CLSTN2: variants seen among roughly 807,000 people sequenced by gnomAD.
CLSTN2 encodes the protein calsyntenin 2, also known as calsyntenin-2.
A neutral mutation model predicts 101.2 loss-of-function variants in CLSTN2; 48 were observed. The ratio of observed to expected loss-of-function variants is 0.47; its 90% CI spans 0.38 to 0.60. CLSTN2 has a LOEUF of 0.60. Ranked by LOEUF, CLSTN2 falls within the 20% of genes least tolerant of loss-of-function variation. The pLI is 0.00. For missense variants in CLSTN2, 1,160 were observed against 1,238.2 expected, an observed-to-expected ratio of 0.94 and a Z score of 0.95; for synonymous variants, 481 against 463.6, an observed-to-expected ratio of 1.04 and a Z score of -0.48.
intron 8 of CLSTN2, among the ~76,000 whole-genome samples, chr3:140,490,151 CACACACACACAT>C (rs1934325876): frequency 7.9e-6 from 1 of 126,298 alleles, no homozygotes; most frequent in Non-Finnish European, 1.7e-5. Context: ...CACACACACA[CACACACACACAT>C]ATATACAGCC....
chr3:139,998,914 G>A (rs1287824463), intron 1 of CLSTN2, among the ~76,000 whole-genome samples: 1 of 152,062 alleles, frequency 6.6e-6, no homozygotes, highest in African/African-American at 2.4e-5. Flanking sequence ...AAACCTTGAG[G>A]CCAAATTTAA....
At chr3:140,046,412 C>A (rs2007881422) in intron 1 of CLSTN2, among the ~76,000 whole-genome samples, 1 of 152,180 alleles carries the variant, frequency 6.6e-6, no homozygotes, top group African/African-American at 2.4e-5. Flanking sequence ...TGTGTCTCTG[C>A]ACGTGAGATG....
At chr3:140,150,278 C>A (rs1057132406) in intron 1 of CLSTN2, among the ~76,000 whole-genome samples, 2 of 152,162 alleles carry the variant, frequency 1.3e-5, no homozygotes, top group African/African-American at 4.8e-5. Flanking sequence ...GAAGCATATG[C>A]TGTGGAATCA....
intron 2 of CLSTN2, among the ~76,000 whole-genome samples, chr3:140,345,195 GT>G (rs1413381717): frequency 6.6e-6 from 1 of 150,754 alleles, no homozygotes; most frequent in Non-Finnish European, 1.5e-5. Context: ...CCCAAAAGTA[GT>G]TTTGGGGGAT....
intron 1 of CLSTN2, among the ~76,000 whole-genome samples, chr3:140,021,089 T>A (rs568883472): frequency 6.6e-6 from 1 of 152,342 alleles, no homozygotes; most frequent in Admixed American, 6.5e-5. Context: ...GATGTGGGAC[T>A]TGATGCTCCT....
chr3:140,565,963 A>T, intron 16 of CLSTN2, 90 bp from the exon 17 acceptor site: 4 of 1,523,882 alleles, frequency 2.6e-6, no homozygotes, highest in Non-Finnish European at 3.6e-6. Flanking sequence ...GGGGCCGTAA[A>T]TGTTTCCTTA....
intron 2 of CLSTN2, among the ~76,000 whole-genome samples, chr3:140,359,650 C>G (rs568539277): frequency 2.1e-4 from 32 of 152,322 alleles, no homozygotes; most frequent in Non-Finnish European, 4.1e-4. Flanking sequence ...TGAAGGCGGA[C>G]CTCACCTCTT....
chr3:139,981,486 C>T (rs567860597), intron 1 of CLSTN2, among the ~76,000 whole-genome samples: 3 of 152,258 alleles, frequency 2.0e-5, no homozygotes, highest in South Asian at 4.1e-4. Flanking sequence ...GCCAAGTTTC[C>T]ATTACTTCAA....
rs1341862867 is a variant in CLSTN2, at chr3:140,539,474, GT to G, written c.1507+6989del. 4.6e-5 allele frequency among the ~76,000 whole-genome samples: 7 copies of G among 152,184 alleles called. No individual in the cohort carries two copies. In the South Asian group the frequency reaches 6.2e-4, roughly 14 times the overall value. On this transcript the variant is annotated intron_variant, in intron 9 of 16. Coordinates refer to ENST00000458420, the MANE Select transcript of CLSTN2 (RefSeq NM_022131.3). Reference sequence around the variant, plus strand: ...ATCACTGAGTTATAATTTTAACTTTGTATCAATTTTGAAGATGTTATTAATT... The same window carrying G: ...ATCACTGAGTTATAATTTTAACTTTGATCAATTTTGAAGATGTTATTAATT...
chr3:140,044,663 G>A (rs1318592523), intron 1 of CLSTN2, among the ~76,000 whole-genome samples: 1 of 152,062 alleles, frequency 6.6e-6, no homozygotes, highest in African/African-American at 2.4e-5. Flanking sequence ...ATTGGCTGTG[G>A]GTTTGTCATA....
chr3:140,068,650 T>C (rs1474913774), intron 1 of CLSTN2, among the ~76,000 whole-genome samples: 1 of 152,242 alleles, frequency 6.6e-6, no homozygotes, highest in Non-Finnish European at 1.5e-5. Flanking sequence ...AGATGACCAA[T>C]TCCTGATGGA....
chr3:140,363,257 A>T (rs2087748732), intron 2 of CLSTN2, among the ~76,000 whole-genome samples: 1 of 152,230 alleles, frequency 6.6e-6, no homozygotes. Context: ...TTCCATTGGC[A>T]TGAAAATGTC....
At chr3:140,056,879 C>T (rs1400197412) in intron 1 of CLSTN2, among the ~76,000 whole-genome samples, 6 of 152,310 alleles carry the variant, frequency 3.9e-5, no homozygotes, top group Admixed American at 2.6e-4. Flanking sequence ...TTTATGGATA[C>T]TGAAAGTGTG....
At chr3:140,021,855 C>T (rs777236159) in intron 1 of CLSTN2, among the ~76,000 whole-genome samples, 31 of 152,152 alleles carry the variant, frequency 2.0e-4, no homozygotes, top group Admixed American at 3.3e-4. Context: ...AATAGTGGAG[C>T]CATTGAATGT....
chr3:140,431,547 C>G (rs347333), intron 5 of CLSTN2, among the ~76,000 whole-genome samples: 41,740 of 152,146 alleles, frequency 0.27, 6,007 homozygotes, highest in East Asian at 0.47. Flanking sequence ...TCTTTCCTAT[C>G]TTTTTGAATC....
At chr3:140,056,414 T>C (rs1457730923) in intron 1 of CLSTN2, among the ~76,000 whole-genome samples, 1 of 152,228 alleles carries the variant, frequency 6.6e-6, no homozygotes, top group African/African-American at 2.4e-5. Context: ...TGTACTTCTC[T>C]GTCATAAACC....
At chr3:140,426,121 A>C (rs1214460302) in intron 5 of CLSTN2, among the ~76,000 whole-genome samples, 2 of 152,150 alleles carry the variant, frequency 1.3e-5, no homozygotes, top group Non-Finnish European at 2.9e-5. Flanking sequence ...CTTTCTTTTT[A>C]AAGTTTAATT....
intron 4 of CLSTN2, 35 bp downstream of exon 4, chr3:140,404,801 A>T (rs747748437): frequency 6.4e-7 from 1 of 1,571,942 alleles, no homozygotes; most frequent in South Asian, 1.1e-5. Flanking sequence ...TGGGGTCAGG[A>T]AAACAAATCC....
intron 2 of CLSTN2, among the ~76,000 whole-genome samples, chr3:140,348,742 G>A (rs1368980326): frequency 1.3e-5 from 2 of 152,152 alleles, no homozygotes; most frequent in Non-Finnish European, 2.9e-5. Context: ...TGCCTAATAT[G>A]TGAGGCCAGC....
Sources: gnomAD v4.1 joint callset for allele counts (sites outside exome capture counted in the v4.1 genomes callset) on GRCh38, gnomAD v4.1.1 for gene constraint, MANE v1.5 for transcripts, NCBI Gene and HGNC (gene_info 2026-07-23, HGNC 2026-07-21) for gene names.